The following CACNB2 variants were observed in gnomAD, a reference collection of about 807,000 sequenced individuals.
CACNB2 encodes the protein calcium voltage-gated channel auxiliary subunit beta 2.
CACNB2 carries 42 observed loss-of-function variants against 73.3 expected under a neutral mutation model. The ratio of observed to expected loss-of-function variants is 0.57; its 90% CI spans 0.45 to 0.74. The LOEUF is 0.74. Ranked by LOEUF, CACNB2 falls within the 30% of genes least tolerant of loss-of-function variation. The pLI is 0.00. For synonymous variants in CACNB2, 348 were observed against 310.3 expected (o/e 1.12, Z -1.28); for missense variants, 940 against 853.0 (o/e 1.10, Z -1.27).
intron 3 of CACNB2, among the ~76,000 whole-genome samples, chr10:18,441,606 T>C (rs1332582091): frequency 6.6e-6 from 1 of 152,158 alleles, no homozygotes; most frequent in Non-Finnish European, 1.5e-5. Context: ...TGATACATAG[T>C]GTGTGTGGTT....
chr10:18,363,294 T>C (rs574445927), intron 2 of CACNB2, among the ~76,000 whole-genome samples: 1 of 152,316 alleles, frequency 6.6e-6, no homozygotes, highest in African/African-American at 2.4e-5. Flanking sequence ...GGCTCAGGCT[T>C]GGCTTTTCAG....
chr10:18,410,213 C>T (rs1215681157), intron 3 of CACNB2, among the ~76,000 whole-genome samples: 1 of 152,136 alleles, frequency 6.6e-6, no homozygotes, highest in East Asian at 1.9e-4. Context: ...AGTGCTTGTT[C>T]ATTGTGTTCT....
Position 18,539,749 on chromosome 10 carries a change from T to G in CACNB2, c.*25T>G, listed in dbSNP as rs760992907. 6.3e-6 allele frequency: 10 copies of G among 1,586,976 alleles called. No homozygotes were observed. The highest frequency in any genetic ancestry group is 4.6e-5 in the South Asian group (4 of 86,468). ...AGTTTTGCCCGTTTGTGTTTTTTTTTTTTTTTTTTTGAAGTCTTGTATAAC... is the reference window on the plus strand; with the variant it reads ...AGTTTTGCCCGTTTGTGTTTTTTTTGTTTTTTTTTTGAAGTCTTGTATAAC... On this transcript the variant is annotated 3_prime_UTR_variant, in exon 14 of 14. Transcript: ENST00000324631.
intron 3 of CACNB2, among the ~76,000 whole-genome samples, chr10:18,459,914 C>G (rs1009448029): frequency 3.9e-5 from 6 of 152,272 alleles, no homozygotes; most frequent in Middle Eastern, 3.4e-3. Flanking sequence ...GAAAGAATTA[C>G]TTGAACCCAG....
intron 3 of CACNB2, among the ~76,000 whole-genome samples, chr10:18,455,345 T>C (rs2047226529): frequency 1.3e-5 from 2 of 152,168 alleles, no homozygotes. Context: ...ACTTAAGTTA[T>C]TAGGTAGATG....
Position 18,527,610 on chromosome 10 carries a change from G to A in CACNB2, c.967G>A (p.Ala323Thr), listed in dbSNP as rs561197163. ...CAGGATATCCATCACAAGGGTCACC[G>A]CTGACATCTCGCTTGCCAAACGCTC... is the stretch of plus-strand genomic sequence containing the variant. ...EGRISITRVT[A>T]DISLAKRSVL... The change falls in exon 10 of 14, where the codon GCT becomes ACT. Residue 323 changes from alanine to threonine, a missense_variant. Physicochemically the swap from Ala to Thr is moderately conservative, Grantham distance 58. Transcript: ENST00000324631. 5.2e-5 allele frequency: 84 copies of A among 1,613,590 alleles called. 1 individual carries two copies. In the Admixed American group the frequency reaches 1.0e-3, roughly 20 times the overall value.
chr10:18,389,460 G>A (rs7917143), intron 2 of CACNB2, among the ~76,000 whole-genome samples: 12,204 of 152,122 alleles, frequency 0.08, 1,647 homozygotes, highest in African/African-American at 0.28. Context: ...TTTTACATAC[G>A]TGAATGTATG....
At chr10:18,310,180 C>A (rs2039902529) in intron 2 of CACNB2, among the ~76,000 whole-genome samples, 1 of 151,922 alleles carries the variant, frequency 6.6e-6, no homozygotes, top group Non-Finnish European at 1.5e-5. Flanking sequence ...CTTTGAAATT[C>A]TAAAATTTGT....
intron 2 of CACNB2, among the ~76,000 whole-genome samples, chr10:18,263,493 C>G (rs1465905710): frequency 6.6e-6 from 1 of 152,130 alleles, no homozygotes; most frequent in African/African-American, 2.4e-5. Context: ...TCTGTTAGAT[C>G]TAATTACATA....
At chr10:18,218,763 G>C (rs897205453) in intron 2 of CACNB2, among the ~76,000 whole-genome samples, 1 of 152,102 alleles carries the variant, frequency 6.6e-6, no homozygotes, top group Non-Finnish European at 1.5e-5. Context: ...CAGCTACTTG[G>C]GAGGCTGAGG....
intron 3 of CACNB2, among the ~76,000 whole-genome samples, chr10:18,442,909 AATATATATATATATATGTAT>A (rs1564553010): frequency 2.9e-5 from 3 of 104,396 alleles, no homozygotes; most frequent in African/African-American, 7.8e-5. Context: ...ATGTAAAAAC[AATATATATATATATATGTAT>A]ATATATATAT....
chr10:18,415,042 A>T (rs1049429649), intron 3 of CACNB2, among the ~76,000 whole-genome samples: 1 of 152,198 alleles, frequency 6.6e-6, no homozygotes, highest in African/African-American at 2.4e-5. Context: ...GTATCATGCT[A>T]TCGAGTTGGA....
chr10:18,424,957 G>A (rs2045521301), intron 3 of CACNB2, among the ~76,000 whole-genome samples: 1 of 152,148 alleles, frequency 6.6e-6, no homozygotes, highest in Admixed American at 6.5e-5. Flanking sequence ...AGTTTCTCTT[G>A]GGTATGTTAA....
chr10:18,365,018 G>A (rs1354281842), intron 2 of CACNB2, among the ~76,000 whole-genome samples: 1 of 152,138 alleles, frequency 6.6e-6, no homozygotes, highest in Non-Finnish European at 1.5e-5. Context: ...GTAGAAAGAG[G>A]TGTATAAATT....
chr10:18,521,884 G>C lies in CACNB2; in HGVS notation c.944+2916G>C, dbSNP rs117537951. Among the ~76,000 whole-genome samples the C allele has an allele frequency of 1.3e-4, 20 of 152,248 alleles. No individual in the cohort carries two copies. In the East Asian group the frequency reaches 3.3e-3, roughly 25 times the overall value. On this transcript the variant is annotated intron_variant, in intron 9 of 13. Transcript: ENST00000324631. ...CCATCCTAACAATGCAACTACAATA[G>C]ATCAGGAGTCCCAAATCCCCGGGTC...
At chr10:18,311,588 G>GA (rs550536224) in intron 2 of CACNB2, among the ~76,000 whole-genome samples, 2 of 152,092 alleles carry the variant, frequency 1.3e-5, no homozygotes, top group Non-Finnish European at 2.9e-5. Context: ...GTAAACTAGA[G>GA]AAAAGATGTT....
At chr10:18,324,048 G>A (rs147334427) in intron 2 of CACNB2, among the ~76,000 whole-genome samples, 2 of 152,130 alleles carry the variant, frequency 1.3e-5, no homozygotes, top group Admixed American at 6.6e-5. Flanking sequence ...CTGATCATAC[G>A]AATGAGTGTA....
At position 18,442,954 on chromosome 10, in the gene CACNB2, A is replaced by ATG. The variant is rs1303420418; in HGVS notation, c.333+40912_333+40913insGT. 6.5e-3 allele frequency among the ~76,000 whole-genome samples: 115 copies of ATG among 17,558 alleles called. 13 individuals are homozygous for ATG. The highest frequency in any genetic ancestry group is 0.015 in the East Asian group (3 of 198). 11.5% of individuals were successfully genotyped at this position (17,558 alleles called of 152,430 possible). A position where few individuals can be genotyped will look rare whatever the true frequency, so the allele number is the denominator to read the frequency against. ...TATATATATATATGTGTATATATAT[A>ATG]TATGTATATATATATGTGTATATAT... On this transcript the variant is annotated intron_variant, in intron 3 of 13. Coordinates refer to ENST00000324631, the MANE Select transcript of CACNB2 (RefSeq NM_201596.3).
At chr10:18,521,725 A>G (rs1269394009) in intron 9 of CACNB2, among the ~76,000 whole-genome samples, 1 of 152,230 alleles carries the variant, frequency 6.6e-6, no homozygotes, top group Non-Finnish European at 1.5e-5. Flanking sequence ...ACATGACTAG[A>G]GTCCAAAATG....
Sources: allele counts gnomAD v4.1 joint callset (sites outside exome capture counted in the v4.1 genomes callset), GRCh38; gene constraint gnomAD v4.1.1; transcripts MANE v1.5; gene names NCBI Gene and HGNC (gene_info 2026-07-23, HGNC 2026-07-21).